Variants in LOC128092252 observed in about 807,000 individuals in gnomAD.
the LOC128092252 span, among the ~76,000 whole-genome samples, chr15:50,659,421 T>A: frequency 2.6e-5 from 4 of 152,202 alleles, no homozygotes; most frequent in Non-Finnish European, 4.4e-5. Flanking sequence ...GACTTTCACT[T>A]ACAGCATTTG....
chr15:50,682,683 A>G, the LOC128092252 span, among the ~76,000 whole-genome samples: 7 of 152,182 alleles, frequency 4.6e-5, no homozygotes, highest in African/African-American at 1.2e-4. Context: ...AGAACTAATC[A>G]TATTTGTATA....
At chr15:50,654,229 T>G in the LOC128092252 span, among the ~76,000 whole-genome samples, 1 of 144,110 alleles carries the variant, frequency 6.9e-6, no homozygotes, top group Admixed American at 6.8e-5. Flanking sequence ...GCGGATCACC[T>G]GAGGTCAGGA....
the LOC128092252 span, among the ~76,000 whole-genome samples, chr15:50,682,173 C>CAAAAAAAAAAAAAAAAAAAA: frequency 8.0e-4 from 51 of 63,658 alleles, 3 homozygotes; most frequent in Middle Eastern, 0.014. Context: ...AACTCAGTCT[C>CAAAAAAAAAAAAAAAAAAAA]AAAAAAAAAA....
the LOC128092252 span, among the ~76,000 whole-genome samples, chr15:50,660,451 G>A: frequency 2.0e-4 from 30 of 152,210 alleles, no homozygotes; most frequent in African/African-American, 6.7e-4. Flanking sequence ...TCAGGAGCTC[G>A]AGACCAGCCT....
the LOC128092252 span, among the ~76,000 whole-genome samples, chr15:50,651,416 C>G: frequency 6.6e-6 from 1 of 152,026 alleles, no homozygotes; most frequent in Non-Finnish European, 1.5e-5. Context: ...GAAGCCGAGG[C>G]GGGTGGATCA....
the LOC128092252 span, among the ~76,000 whole-genome samples, chr15:50,661,442 A>G: frequency 2.0e-5 from 3 of 152,172 alleles, no homozygotes; most frequent in Non-Finnish European, 4.4e-5. Flanking sequence ...TTGAAACTCT[A>G]CGTATTGCTT....
the LOC128092252 span, among the ~76,000 whole-genome samples, chr15:50,683,496 A>G: frequency 6.6e-6 from 1 of 151,238 alleles, no homozygotes; most frequent in Non-Finnish European, 1.5e-5. Flanking sequence ...ACACTTTGGG[A>G]GGCCGAGGCG....
At chr15:50,656,125 G>A in the LOC128092252 span, among the ~76,000 whole-genome samples, 1 of 152,164 alleles carries the variant, frequency 6.6e-6, no homozygotes, top group African/African-American at 2.4e-5. Flanking sequence ...ACCAAACTGA[G>A]AAAATTCATG....
the LOC128092252 span, among the ~76,000 whole-genome samples, chr15:50,682,004 C>A: frequency 6.6e-6 from 1 of 151,506 alleles, no homozygotes. Flanking sequence ...ATGGGGAAAC[C>A]CTGTCTCTAC....
At chr15:50,682,055 G>GT in the LOC128092252 span, among the ~76,000 whole-genome samples, 1 of 151,376 alleles carries the variant, frequency 6.6e-6, no homozygotes, top group Non-Finnish European at 1.5e-5. Context: ...GCAGGCACCT[G>GT]TAATCCCAGC....
At chr15:50,685,081 A>G in the LOC128092252 span, among the ~76,000 whole-genome samples, 1 of 152,260 alleles carries the variant, frequency 6.6e-6, no homozygotes, top group African/African-American at 2.4e-5. Context: ...GAATGATAGA[A>G]GAAATAAAAT....
chr15:50,656,877 T>G, the LOC128092252 span, among the ~76,000 whole-genome samples: 1 of 152,152 alleles, frequency 6.6e-6, no homozygotes, highest in Admixed American at 6.6e-5. Flanking sequence ...CCTATTGCAT[T>G]TATCTCATTA....
the LOC128092252 span, among the ~76,000 whole-genome samples, chr15:50,662,486 T>C: frequency 8.5e-4 from 130 of 152,316 alleles, 1 homozygote; most frequent in South Asian, 1.7e-3. Context: ...CTATAGTCTC[T>C]GATAATAGAT....
chr15:50,680,317 G>C, the LOC128092252 span, among the ~76,000 whole-genome samples: 2 of 152,160 alleles, frequency 1.3e-5, no homozygotes, highest in Non-Finnish European at 2.9e-5. Context: ...AAGGCAGGTA[G>C]ATCACTTGAG....
the LOC128092252 span, among the ~76,000 whole-genome samples, chr15:50,681,682 C>T: frequency 6.6e-6 from 1 of 152,194 alleles, no homozygotes; most frequent in Admixed American, 6.6e-5. Context: ...AAGCTTTTTG[C>T]TCACTTTCCA....
the LOC128092252 span, among the ~76,000 whole-genome samples, chr15:50,685,711 A>G: frequency 6.6e-6 from 1 of 152,182 alleles, no homozygotes; most frequent in African/African-American, 2.4e-5. Context: ...GACTTTCTTA[A>G]GAAATCTTCA....
At chr15:50,677,980 C>T in the LOC128092252 span, among the ~76,000 whole-genome samples, 1 of 151,866 alleles carries the variant, frequency 6.6e-6, no homozygotes, top group Non-Finnish European at 1.5e-5. Context: ...TGGCTCATGC[C>T]TATAATCCCA....
At chr15:50,681,425 A>T in the LOC128092252 span, among the ~76,000 whole-genome samples, 1 of 152,170 alleles carries the variant, frequency 6.6e-6, no homozygotes, top group South Asian at 2.1e-4. Context: ...TTAGACTAGG[A>T]AGACTATCAT....
the LOC128092252 span, among the ~76,000 whole-genome samples, chr15:50,669,022 A>G: frequency 2.6e-5 from 4 of 152,170 alleles, no homozygotes; most frequent in African/African-American, 9.7e-5. Flanking sequence ...CTGACCTGTG[A>G]TAAGTTAAGA....
Sources: allele counts gnomAD v4.1 joint callset (sites outside exome capture counted in the v4.1 genomes callset), GRCh38; gene constraint gnomAD v4.1.1; transcripts MANE v1.5.